Variants in SAMD12 observed in about 807,000 individuals in gnomAD.
SAMD12 encodes the protein sterile alpha motif domain containing 12, also known as sterile alpha motif domain-containing protein 12.
Under a neutral mutation model 15.0 loss-of-function variants are expected in SAMD12, and 9 were observed. The ratio of observed to expected loss-of-function variants is 0.60; its 90% CI spans 0.36 to 1.05. The LOEUF (loss-of-function observed/expected upper bound fraction) is 1.05. Ranked by LOEUF, SAMD12 falls within the 50% of genes least tolerant of loss-of-function variation. The pLI is 0.01. For synonymous variants in SAMD12, 86 were observed against 90.1 expected, an observed-to-expected ratio of 0.96 and a Z score of 0.25; for missense variants, 230 against 234.2, an observed-to-expected ratio of 0.98 and a Z score of 0.12.
At chr8:118,446,134 C>G (rs137980813) in intron 2 of SAMD12, among the ~76,000 whole-genome samples, 221 of 151,636 alleles carry the variant, frequency 1.5e-3, no homozygotes, top group Admixed American at 3.9e-3. Context: ...TTCTTAAAAA[C>G]TTTTAAGAGT....
the SAMD12 span, among the ~76,000 whole-genome samples, chr8:118,163,218 G>C: frequency 6.6e-6 from 1 of 152,002 alleles, no homozygotes; most frequent in African/African-American, 2.4e-5. Flanking sequence ...CAGTTGAGAC[G>C]ACAGGCACAC....
chr8:118,260,310 A>T (rs1813047905), intron 4 of SAMD12, among the ~76,000 whole-genome samples: 1 of 152,102 alleles, frequency 6.6e-6, no homozygotes. Context: ...TCAGCAGAAA[A>T]ACTCATACTC....
chr8:118,550,681 T>C (rs1826300411), intron 2 of SAMD12, among the ~76,000 whole-genome samples: 1 of 151,660 alleles, frequency 6.6e-6, no homozygotes, highest in African/African-American at 2.4e-5. Context: ...CATAACAATA[T>C]TAACTTTAAA....
chr8:118,276,896 C>T (rs1038921312), intron 4 of SAMD12, among the ~76,000 whole-genome samples: 9 of 152,182 alleles, frequency 5.9e-5, no homozygotes, highest in Non-Finnish European at 1.2e-4. Context: ...TGGTCTCGAA[C>T]TCCTGACCTC....
chr8:118,278,522 G>A lies in SAMD12; in HGVS notation c.434-80790C>T, dbSNP rs74517209. Among the ~76,000 whole-genome samples the A allele has an allele frequency of 5.3e-5, 8 of 152,264 alleles. No homozygotes were observed. The East Asian group carries it at 7.7e-4, about 15-fold the overall frequency. The stretch of plus-strand genomic sequence containing the variant: ...GAGAACAAACCATAACCATGGACAC[G>A]GGCCAGTTTTCACTGGTCATTGACT... On this transcript the variant is annotated intron_variant, in intron 4 of 4. Coordinates refer to the SAMD12 transcript ENST00000409003.
At chr8:118,245,146 A>G (rs1438876960) in intron 4 of SAMD12, among the ~76,000 whole-genome samples, 1 of 152,156 alleles carries the variant, frequency 6.6e-6, no homozygotes, top group Non-Finnish European at 1.5e-5. Context: ...CTGGCAAGCC[A>G]TTTATTTTCT....
At chr8:118,191,881 T>C (rs1296534162) in exon 5 of SAMD12, 2 of 132,436 alleles carry the variant, frequency 1.5e-5, no homozygotes, top group Non-Finnish European at 1.6e-5. Flanking sequence ...TTAGGGATCA[T>C]AGAATCAAGG....
chr8:118,453,020 T>A (rs1823128736), intron 2 of SAMD12, among the ~76,000 whole-genome samples: 1 of 152,234 alleles, frequency 6.6e-6, no homozygotes, highest in Admixed American at 6.5e-5. Flanking sequence ...GTGACAGTAT[T>A]ACTAATTTTA....
intron 1 of SAMD12, among the ~76,000 whole-genome samples, chr8:118,593,701 G>A (rs574675044): frequency 6.6e-6 from 1 of 152,214 alleles, no homozygotes; most frequent in South Asian, 2.1e-4. Flanking sequence ...TAAAGTCAAT[G>A]TGTTTTTTTC....
At chr8:118,589,944 G>A (rs948729366) in intron 1 of SAMD12, among the ~76,000 whole-genome samples, 1 of 152,000 alleles carries the variant, frequency 6.6e-6, no homozygotes, top group South Asian at 2.1e-4. Flanking sequence ...AAAAATGATG[G>A]ACATTATATA....
intron 4 of SAMD12, among the ~76,000 whole-genome samples, chr8:118,260,311 A>G (rs914010647): frequency 6.6e-6 from 1 of 151,804 alleles, no homozygotes; most frequent in Non-Finnish European, 1.5e-5. Context: ...CAGCAGAAAA[A>G]CTCATACTCA....
At chr8:118,370,671 G>C (rs1282398157) in intron 4 of SAMD12, among the ~76,000 whole-genome samples, 1 of 152,132 alleles carries the variant, frequency 6.6e-6, no homozygotes, top group Non-Finnish European at 1.5e-5. Context: ...ATCCTCAGCA[G>C]ACTAATGCAG....
chr8:118,598,452 A>C (rs1361560413), intron 1 of SAMD12, among the ~76,000 whole-genome samples: 1 of 152,218 alleles, frequency 6.6e-6, no homozygotes, highest in Non-Finnish European at 1.5e-5. Context: ...ACCTGCTGAC[A>C]CCTTGATCTT....
intron 2 of SAMD12, among the ~76,000 whole-genome samples, chr8:118,484,084 G>C (rs1824208403): frequency 1.3e-5 from 2 of 152,194 alleles, no homozygotes. Context: ...GAGGACAACA[G>C]AGTAGGGTAA....
intron 2 of SAMD12, among the ~76,000 whole-genome samples, chr8:118,569,569 AG>A (rs1057435383): frequency 6.6e-6 from 1 of 152,200 alleles, no homozygotes; most frequent in African/African-American, 2.4e-5. Context: ...GTTTGAAAGT[AG>A]GGCCTTTGAG....
Position 118,393,718 on chromosome 8 carries a change from C to T in SAMD12, c.323-14018G>A, listed in dbSNP as rs190010055. Among the ~76,000 whole-genome samples the T allele has an allele frequency of 2.5e-3, 375 of 152,200 alleles. 1 individual carries two copies. Among genetic ancestry groups the T allele is most frequent in the Middle Eastern group, 6.8e-3 (2 of 294 alleles). On this transcript the variant is annotated intron_variant, in intron 3 of 3. Coordinates refer to ENST00000314727, the MANE Select transcript of SAMD12 (RefSeq NM_207506.3). ...GGTTCAAGTGATTCTCCTGCCTCAG[C>T]CTTCCAAGTAGTTGAGATTACAAGC...
chr8:118,397,424 T>C (rs1820637196), intron 3 of SAMD12, among the ~76,000 whole-genome samples: 1 of 152,092 alleles, frequency 6.6e-6, no homozygotes, highest in Non-Finnish European at 1.5e-5. Flanking sequence ...TGCTGATAAA[T>C]CTGGCAAGGT....
chr8:118,598,060 TA>T (rs1228739510), intron 1 of SAMD12, among the ~76,000 whole-genome samples: 1 of 152,248 alleles, frequency 6.6e-6, no homozygotes, highest in Non-Finnish European at 1.5e-5. Context: ...TTTCCTTCTG[TA>T]AGGCTTCTTT....
At chr8:118,487,833 CATGGCTGGACAAATG>C (rs201859949) in intron 2 of SAMD12, among the ~76,000 whole-genome samples, 2,063 of 152,310 alleles carry the variant, frequency 0.014, 22 homozygotes, top group Middle Eastern at 0.027. Flanking sequence ...TATGGTCCAG[CATGGCTGGACAAATG>C]ATGGCTTTAT....
Sources: allele counts gnomAD v4.1 joint callset (sites outside exome capture counted in the v4.1 genomes callset), GRCh38; gene constraint gnomAD v4.1.1; transcripts MANE v1.5; gene names NCBI Gene and HGNC (gene_info 2026-07-23, HGNC 2026-07-21).